LEKR1: variants seen among roughly 807,000 people sequenced by gnomAD.
LEKR1 encodes protein LEKR1.
Under a neutral mutation model 72.4 loss-of-function variants are expected in LEKR1, and 59 were observed. That is an observed-to-expected ratio of 0.82 (90% CI 0.66 to 1.01). The LOEUF is 1.01. Ranked by LOEUF, LEKR1 falls within the 50% of genes least tolerant of loss-of-function variation. The pLI is 0.00. For synonymous variants in LEKR1, 257 were observed against 263.2 expected (o/e 0.98, Z 0.23); for missense variants, 728 against 759.2 (o/e 0.96, Z 0.48).
intron 2 of LEKR1, 106 bp downstream of exon 2, chr3:156,829,483 A>G: frequency 2.9e-6 from 2 of 679,610 alleles, no homozygotes. Flanking sequence ...TAGGATCTGA[A>G]TGAATTGGTG....
At chr3:156,882,891 C>G (rs1281423347) in intron 3 of LEKR1, among the ~76,000 whole-genome samples, 1 of 151,622 alleles carries the variant, frequency 6.6e-6, no homozygotes, top group Non-Finnish European at 1.5e-5. Context: ...TCTCAGTAAA[C>G]TATCGCAAGA....
chr3:156,829,149 T>C (rs1489014899), intron 1 of LEKR1, 137 bp from the exon 2 acceptor site: 23 of 529,420 alleles, frequency 4.3e-5, no homozygotes, highest in Non-Finnish European at 7.4e-5. Flanking sequence ...CCTTCTAACA[T>C]TGAGCTGATG....
chr3:156,973,102 G>A (rs1253454694), intron 6 of LEKR1, among the ~76,000 whole-genome samples: 1 of 151,878 alleles, frequency 6.6e-6, no homozygotes, highest in Non-Finnish European at 1.5e-5. Flanking sequence ...TTCATGTACT[G>A]TATTTTAATC....
chr3:156,992,402 T>C (rs951492177), intron 7 of LEKR1, among the ~76,000 whole-genome samples: 5 of 152,244 alleles, frequency 3.3e-5, no homozygotes, highest in African/African-American at 9.6e-5. Context: ...ATAGGTATTT[T>C]GGGTTTTGGT....
intron 3 of LEKR1, among the ~76,000 whole-genome samples, chr3:156,890,861 T>C (rs944310646): frequency 1.6e-5 from 2 of 126,590 alleles, no homozygotes; most frequent in Non-Finnish European, 3.6e-5. Flanking sequence ...AAAGTTATCC[T>C]TTTTTTTTTT....
In LEKR1 at chr3:156,942,638, T is replaced by G; in HGVS notation, c.669T>G (p.Ser223=). ...KLLSDAAILR[S]QQIRTSRQQE... is the part of the protein sequence containing the mutation. ...TGTCAGATGCAGCCATATTGAGATCTCAGCAGATTCGGACATCTAGACAAC... is the reference window on the plus strand; with the variant it reads ...TGTCAGATGCAGCCATATTGAGATCGCAGCAGATTCGGACATCTAGACAAC... Residue 223 remains serine, a synonymous_variant, in exon 6 of 13, where the codon TCT becomes TCG. Coordinates refer to ENST00000356539, the MANE Select transcript of LEKR1 (RefSeq NM_001004316.3). The G allele has an allele frequency of 7.9e-7, 1 of 1,268,682 alleles. No homozygotes were observed. Among genetic ancestry groups the G allele is most frequent in the African/African-American group, 1.6e-5 (1 of 64,084 alleles). The allele number at this position is 1,268,682 out of a possible 1,614,324, so 78.6% of individuals were successfully genotyped here.
intron 6 of LEKR1, among the ~76,000 whole-genome samples, chr3:156,964,924 C>T (rs1057295439): frequency 1.3e-5 from 2 of 152,102 alleles, no homozygotes. Context: ...CTTCTTTATT[C>T]CCTAAATGTT....
intron 9 of LEKR1, among the ~76,000 whole-genome samples, chr3:157,010,113 C>T (rs1441667347): frequency 6.6e-6 from 1 of 151,802 alleles, no homozygotes; most frequent in Non-Finnish European, 1.5e-5. Context: ...TTTTTTATTC[C>T]TAATTAGTCT....
intron 7 of LEKR1, among the ~76,000 whole-genome samples, chr3:156,982,667 C>T (rs1354313191): frequency 3.9e-5 from 6 of 152,020 alleles, no homozygotes; most frequent in Admixed American, 6.6e-5. Context: ...GCTCTGAGAG[C>T]TTGATGAAAT....
chr3:156,904,533 C>T (rs952805439), intron 3 of LEKR1, among the ~76,000 whole-genome samples: 12 of 151,268 alleles, frequency 7.9e-5, no homozygotes, highest in African/African-American at 2.9e-4. Flanking sequence ...GATCATAGCT[C>T]ACTGCAGCCT....
At chr3:157,031,186 C>T (rs1734581144) in intron 12 of LEKR1, among the ~76,000 whole-genome samples, 1 of 152,200 alleles carries the variant, frequency 6.6e-6, no homozygotes, top group African/African-American at 2.4e-5. Flanking sequence ...TGGATTTCTT[C>T]ATCGACAAAA....
chr3:156,856,001 CAA>C (rs63421861), intron 3 of LEKR1, among the ~76,000 whole-genome samples: 45,988 of 151,782 alleles, frequency 0.3, 9,904 homozygotes, highest in African/African-American at 0.61. Context: ...ACAATGAAAG[CAA>C]AGGTATTCAC....
At chr3:157,045,306 T>C in intron 12 of LEKR1, 34 bp from the exon 13 acceptor site, 1 of 1,561,582 alleles carries the variant, frequency 6.4e-7, no homozygotes, top group Non-Finnish European at 8.7e-7. Context: ...TGTTTAAAGC[T>C]AAGTCTGCTT....
intron 5 of LEKR1, among the ~76,000 whole-genome samples, chr3:156,930,544 A>G (rs1469370491): frequency 6.6e-6 from 1 of 152,160 alleles, no homozygotes; most frequent in African/African-American, 2.4e-5. Context: ...TATGTATATT[A>G]TAATTTCTAG....
At chr3:156,967,225 C>T (rs918489241) in intron 6 of LEKR1, among the ~76,000 whole-genome samples, 1 of 152,312 alleles carries the variant, frequency 6.6e-6, no homozygotes, top group African/African-American at 2.4e-5. Context: ...GAACACCTCT[C>T]CTCCTCCAAA....
intron 6 of LEKR1, among the ~76,000 whole-genome samples, chr3:156,971,144 A>C (rs1164965957): frequency 6.6e-6 from 1 of 152,244 alleles, no homozygotes; most frequent in African/African-American, 2.4e-5. Context: ...AAATAGAGAC[A>C]TAGACTAATG....
At chr3:157,021,448 A>T (rs1344313074) in intron 10 of LEKR1, among the ~76,000 whole-genome samples, 1 of 152,076 alleles carries the variant, frequency 6.6e-6, no homozygotes, top group Non-Finnish European at 1.5e-5. Context: ...TCTTGAATTA[A>T]TTTTTGTATA....
chr3:156,904,239 A>G (rs1211954993), intron 3 of LEKR1, among the ~76,000 whole-genome samples: 1 of 152,204 alleles, frequency 6.6e-6, no homozygotes, highest in Non-Finnish European at 1.5e-5. Context: ...TGATGGTAGC[A>G]GTATTTAAGA....
chr3:156,857,235 T>G (rs1716174847), intron 3 of LEKR1, among the ~76,000 whole-genome samples: 1 of 152,150 alleles, frequency 6.6e-6, no homozygotes, highest in Non-Finnish European at 1.5e-5. Flanking sequence ...TTTTCTAATA[T>G]GAAGCTAAAC....
Sources: gnomAD v4.1 joint callset for allele counts (sites outside exome capture counted in the v4.1 genomes callset) on GRCh38, gnomAD v4.1.1 for gene constraint, MANE v1.5 for transcripts, NCBI Gene and HGNC (gene_info 2026-07-23, HGNC 2026-07-21) for gene names.